Variants in CHRM3 observed in about 807,000 individuals in gnomAD.
CHRM3 encodes muscarinic acetylcholine receptor M3.
A neutral mutation model predicts 41.8 loss-of-function variants in CHRM3; 11 were observed. The observed-to-expected ratio is 0.26, with a 90% confidence interval of 0.17 to 0.44. CHRM3 has a LOEUF of 0.44. Ranked by LOEUF, CHRM3 falls within the 20% of genes least tolerant of loss-of-function variation. The pLI is 1.00. For missense variants in CHRM3, 571 were observed against 745.4 expected, an observed-to-expected ratio of 0.77 and a Z score of 2.72; for synonymous variants, 297 against 301.4, an observed-to-expected ratio of 0.99 and a Z score of 0.15.
intron 2 of CHRM3, among the ~76,000 whole-genome samples, chr1:239,508,323 G>A (rs1284184420): frequency 6.6e-6 from 1 of 152,050 alleles, no homozygotes; most frequent in Non-Finnish European, 1.5e-5. Flanking sequence ...CAGAATTTGG[G>A]TAAATTATCA....
intron 5 of CHRM3, among the ~76,000 whole-genome samples, chr1:239,680,641 T>C (rs537454566): frequency 1.7e-3 from 257 of 152,244 alleles, no homozygotes; most frequent in Non-Finnish European, 3.2e-3. Context: ...TCCTAAGTTG[T>C]ATGATTCAGC....
chr1:239,493,515 A>T (rs1258780260), intron 2 of CHRM3, among the ~76,000 whole-genome samples: 1 of 152,212 alleles, frequency 6.6e-6, no homozygotes, highest in Non-Finnish European at 1.5e-5. Context: ...ACATTTATTT[A>T]TATTGTTTCT....
chr1:239,534,980 G>A (rs998664521), intron 2 of CHRM3, among the ~76,000 whole-genome samples: 2 of 152,196 alleles, frequency 1.3e-5, no homozygotes, highest in Admixed American at 6.5e-5. Flanking sequence ...TACATGCCAG[G>A]CACTGTGCTA....
intron 1 of CHRM3, among the ~76,000 whole-genome samples, chr1:239,480,337 GTTTA>G (rs1236179316): frequency 3.3e-5 from 5 of 152,154 alleles, no homozygotes; most frequent in Middle Eastern, 3.4e-3. Flanking sequence ...ACACATATGT[GTTTA>G]TTTATCTATC....
chr1:239,738,683 T>G (rs2148478226), intron 5 of CHRM3, among the ~76,000 whole-genome samples: 1 of 152,310 alleles, frequency 6.6e-6, no homozygotes, highest in Non-Finnish European at 1.5e-5. Context: ...TACAGACCCA[T>G]GACTTTCTTT....
At chr1:239,447,004 T>C (rs1447887008) in intron 1 of CHRM3, among the ~76,000 whole-genome samples, 4 of 152,222 alleles carry the variant, frequency 2.6e-5, no homozygotes, top group Non-Finnish European at 5.9e-5. Context: ...TTGTTGTTAA[T>C]GGCTATCTTT....
At chr1:239,430,047 A>G (rs1276313732) in intron 1 of CHRM3, among the ~76,000 whole-genome samples, 2 of 148,600 alleles carry the variant, frequency 1.3e-5, no homozygotes, top group Non-Finnish European at 3.0e-5. Flanking sequence ...AGCTCACTGC[A>G]ACCTCCACCT....
intron 4 of CHRM3, among the ~76,000 whole-genome samples, chr1:239,641,169 A>C (rs1301589104): frequency 6.6e-6 from 1 of 152,062 alleles, no homozygotes; most frequent in African/African-American, 2.4e-5. Context: ...TTTGCTGAGG[A>C]GTGCTTTACT....
At chr1:239,856,555 A>G (rs920504476) in intron 6 of CHRM3, among the ~76,000 whole-genome samples, 3 of 151,814 alleles carry the variant, frequency 2.0e-5, no homozygotes, top group African/African-American at 7.3e-5. Flanking sequence ...AGAATTGTGA[A>G]CCAATTAAAC....
At chr1:239,779,866 C>A (rs1490064731) in intron 5 of CHRM3, among the ~76,000 whole-genome samples, 2 of 152,244 alleles carry the variant, frequency 1.3e-5, no homozygotes, top group Admixed American at 1.3e-4. Flanking sequence ...TCCAAAGTGT[C>A]ATATACTTGT....
chr1:239,424,072 G>GAAAAAAAAAAAAAAAAAAAAAA (rs897522413), intron 1 of CHRM3, among the ~76,000 whole-genome samples: 1 of 135,098 alleles, frequency 7.4e-6, no homozygotes. Context: ...AAAAAAAAAA[G>GAAAAAAAAAAAAAAAAAAAAAA]AAAAAAAAAA....
intron 4 of CHRM3, among the ~76,000 whole-genome samples, chr1:239,677,100 C>T (rs986941142): frequency 4.6e-5 from 7 of 152,082 alleles, no homozygotes; most frequent in African/African-American, 1.7e-4. Flanking sequence ...GGTTAAAGAC[C>T]CCCTGCTCTG....
At chr1:239,473,323 T>G (rs569134792) in intron 1 of CHRM3, among the ~76,000 whole-genome samples, 2 of 149,058 alleles carry the variant, frequency 1.3e-5, no homozygotes, top group Non-Finnish European at 3.0e-5. Context: ...CTGGGGAAAT[T>G]TATCTGTAAC....
intron 2 of CHRM3, among the ~76,000 whole-genome samples, chr1:239,494,598 C>T (rs1198072921): frequency 6.6e-6 from 1 of 152,016 alleles, no homozygotes; most frequent in Non-Finnish European, 1.5e-5. Flanking sequence ...AGGTCTATTG[C>T]ATAGTTGAAT....
intron 5 of CHRM3, among the ~76,000 whole-genome samples, chr1:239,766,460 C>A (rs572609731): frequency 7.5e-6 from 1 of 132,910 alleles, no homozygotes; most frequent in East Asian, 1.9e-4. Flanking sequence ...ATAATCTATA[C>A]AACAAACCCC....
At chr1:239,662,159 A>G (rs1461708274) in intron 4 of CHRM3, among the ~76,000 whole-genome samples, 4 of 148,322 alleles carry the variant, frequency 2.7e-5, no homozygotes, top group African/African-American at 1.0e-4. Context: ...TACTGTGGAT[A>G]AGAGGTTAAA....
chr1:239,864,185 C>G (rs537203869), intron 6 of CHRM3, among the ~76,000 whole-genome samples: 38 of 152,062 alleles, frequency 2.5e-4, no homozygotes, highest in African/African-American at 8.9e-4. Context: ...TAGCGAGACC[C>G]TGCCCCCCCA....
chr1:239,840,564 A>G (rs1673710954), intron 6 of CHRM3, among the ~76,000 whole-genome samples: 1 of 152,224 alleles, frequency 6.6e-6, no homozygotes, highest in Non-Finnish European at 1.5e-5. Flanking sequence ...GAAAAAGCAT[A>G]GGCAGCTGTA....
chr1:239,530,112 C>T (rs1670293033), intron 2 of CHRM3, among the ~76,000 whole-genome samples: 1 of 152,030 alleles, frequency 6.6e-6, no homozygotes, highest in African/African-American at 2.4e-5. Context: ...ACCGTGTTAG[C>T]CAGGATGGTC....
Sources: gnomAD v4.1 joint callset for allele counts (sites outside exome capture counted in the v4.1 genomes callset) on GRCh38, gnomAD v4.1.1 for gene constraint, MANE v1.5 for transcripts, NCBI Gene and HGNC (gene_info 2026-07-23, HGNC 2026-07-21) for gene names.